The following ALDH1L2 variants were observed in gnomAD, a reference collection of about 807,000 sequenced individuals.
ALDH1L2 encodes the protein aldehyde dehydrogenase 1 family member L2.
A neutral mutation model predicts 111.0 loss-of-function variants in ALDH1L2; 91 were observed. The observed-to-expected ratio is 0.82, with a 90% CI of 0.69 to 0.98. ALDH1L2 has a LOEUF of 0.98. Ranked by LOEUF, ALDH1L2 falls within the 50% of genes least tolerant of loss-of-function variation. The pLI, the probability that ALDH1L2 is intolerant of heterozygous loss-of-function variation, is 0.00. For missense variants in ALDH1L2, 995 were observed against 1,126.8 expected (o/e 0.88, Z 1.67); for synonymous variants, 374 against 392.6 (o/e 0.95, Z 0.56).
intron 12 of ALDH1L2, among the ~76,000 whole-genome samples, chr12:105,051,867 C>T (rs2136076662): frequency 6.6e-6 from 1 of 151,696 alleles, no homozygotes; most frequent in South Asian, 2.1e-4. Context: ...TCACTACACC[C>T]TCCACCTCCT....
At chr12:105,047,050 CCT>C in intron 13 of ALDH1L2, 81 bp from the exon 14 acceptor site, 1 of 1,480,052 alleles carries the variant, frequency 6.8e-7, no homozygotes, top group South Asian at 1.2e-5. Flanking sequence ...TTTCTGTCTT[CCT>C]CTCTTACTTT....
At chr12:105,063,048 G>T (rs772875932) in intron 6 of ALDH1L2, 26 bp from the exon 7 acceptor site, 12 of 1,600,462 alleles carry the variant, frequency 7.5e-6, no homozygotes, top group Non-Finnish European at 1.0e-5. Flanking sequence ...AACACAGATT[G>T]TAAAATCAGG....
intron 17 of ALDH1L2, among the ~76,000 whole-genome samples, chr12:105,038,846 A>G (rs1025646164): frequency 2.8e-4 from 42 of 152,236 alleles, no homozygotes; most frequent in Admixed American, 1.6e-3. Flanking sequence ...TCAAAAGTTA[A>G]TTCAAATTCT....
intron 9 of ALDH1L2, among the ~76,000 whole-genome samples, chr12:105,059,267 AAAT>A (rs56329502): frequency 0.053 from 7,354 of 138,138 alleles, 301 homozygotes; most frequent in African/African-American, 0.11. Flanking sequence ...CTCTGTCTCA[AAAT>A]AATAATAATA....
intron 3 of ALDH1L2, among the ~76,000 whole-genome samples, chr12:105,069,901 A>G (rs762842065): frequency 3.3e-5 from 5 of 152,216 alleles, no homozygotes; most frequent in Non-Finnish European, 7.3e-5. Flanking sequence ...TTCCTTAAGA[A>G]GCTTAGAGTT....
chr12:105,055,652 G>A (rs1233458479), intron 10 of ALDH1L2, among the ~76,000 whole-genome samples: 3 of 151,686 alleles, frequency 2.0e-5, no homozygotes, highest in Non-Finnish European at 4.4e-5. Context: ...TTGTAAATAT[G>A]TTCAATGAAC....
intron 10 of ALDH1L2, among the ~76,000 whole-genome samples, chr12:105,053,947 G>T (rs1876453931): frequency 6.6e-6 from 1 of 151,792 alleles, no homozygotes; most frequent in African/African-American, 2.4e-5. Flanking sequence ...AGAATGTTTT[G>T]CAGGTAATAA....
chr12:105,046,215 ATATATATTTTTTTTTTTTTT>A (rs1875887150), intron 15 of ALDH1L2, among the ~76,000 whole-genome samples: 11 of 37,710 alleles, frequency 2.9e-4, no homozygotes, highest in Admixed American at 2.3e-3. Flanking sequence ...ATATATATAT[ATATATATTTTTTTTTTTTTT>A]TTTTTTTTTT....
At chr12:105,031,710 C>A in intron 20 of ALDH1L2, 59 bp downstream of exon 20, 1 of 1,576,204 alleles carries the variant, frequency 6.3e-7, no homozygotes, top group Non-Finnish European at 8.6e-7. Flanking sequence ...TAAACTGTCG[C>A]TGTCCATTCC....
At chr12:105,063,103 A>G (rs1157757925) in intron 6 of ALDH1L2, 81 bp from the exon 7 acceptor site, 2 of 1,416,850 alleles carry the variant, frequency 1.4e-6, no homozygotes. Flanking sequence ...ATTCTCTGCA[A>G]AAACGCTGAA....
intron 2 of ALDH1L2, 89 bp downstream of exon 2, chr12:105,073,772 T>C: frequency 1.9e-6 from 3 of 1,550,172 alleles, no homozygotes; most frequent in Non-Finnish European, 2.6e-6. Context: ...TAGTAGGGGC[T>C]GAGGCAGCTA....
intron 13 of ALDH1L2, 108 bp downstream of exon 13, chr12:105,049,800 T>C (rs1293325359): frequency 9.3e-6 from 12 of 1,288,834 alleles, no homozygotes; most frequent in African/African-American, 4.5e-5. Flanking sequence ...AACCCTGTTA[T>C]GTTGGTGTAA....
intron 22 of ALDH1L2, 104 bp from the exon 23 acceptor site, chr12:105,024,583 A>C: frequency 8.8e-7 from 1 of 1,139,166 alleles, no homozygotes. Flanking sequence ...TCACTAAGTA[A>C]ATAGAATGTG....
chr12:105,026,360 T>C (rs1220021780), intron 22 of ALDH1L2, among the ~76,000 whole-genome samples, 185 bp downstream of exon 22: 3 of 152,242 alleles, frequency 2.0e-5, no homozygotes, highest in Admixed American at 2.0e-4. Context: ...TGTGTACTTT[T>C]CTGTATGTAT....
chr12:105,072,949 G>C (rs1877821773), intron 2 of ALDH1L2, among the ~76,000 whole-genome samples: 2 of 152,322 alleles, frequency 1.3e-5, no homozygotes, highest in Admixed American at 6.5e-5. Flanking sequence ...ACTCCAGCCT[G>C]GGCAACAGAG....
chr12:105,049,980 C>T lies in ALDH1L2; in HGVS notation c.1614G>A (p.Leu538=). The T allele has an allele frequency of 6.2e-7, 1 of 1,613,138 alleles. No individual in the cohort carries two copies. Among genetic ancestry groups the T allele is most frequent in the Non-Finnish European group, 8.5e-7 (1 of 1,179,514 alleles). ...ACATTCCAATGTGTGTCTTCAGGGCCAAGGTATAGACAGCCCCTGAATCAA... is the reference window on the plus strand; with the variant it reads ...ACATTCCAATGTGTGTCTTCAGGGCTAAGGTATAGACAGCCCCTGAATCAA... The part of the protein sequence containing the change: ...EALDSGAVYT[L]ALKTHIGMSV... The change falls in exon 13 of 23, where the codon TTG becomes TTA. Residue 538 remains leucine (L), a synonymous_variant. Coordinates refer to ENST00000258494, the MANE Select transcript of ALDH1L2 (RefSeq NM_001034173.4).
At chr12:105,064,641 G>A (rs1381567408) in intron 6 of ALDH1L2, among the ~76,000 whole-genome samples, 2 of 152,202 alleles carry the variant, frequency 1.3e-5, no homozygotes, top group African/African-American at 4.8e-5. Flanking sequence ...GATGCCAGAG[G>A]TAGGCAGAGT....
chr12:105,084,299 TCCCCAGCCCCACCG>T, intron 1 of ALDH1L2, 76 bp downstream of exon 1: 1 of 1,400,660 alleles, frequency 7.1e-7, no homozygotes, highest in African/African-American at 1.5e-5. Flanking sequence ...TCGCTGCTCA[TCCCCAGCCCCACCG>T]CCCCGGCCCT....
At chr12:105,045,374 C>G (rs1165181482) in intron 15 of ALDH1L2, among the ~76,000 whole-genome samples, 1 of 152,074 alleles carries the variant, frequency 6.6e-6, no homozygotes, top group Non-Finnish European at 1.5e-5. Flanking sequence ...TGTGAGCCAC[C>G]TTGCCTGGCC....
Sources: allele counts gnomAD v4.1 joint callset (sites outside exome capture counted in the v4.1 genomes callset), GRCh38; gene constraint gnomAD v4.1.1; transcripts MANE v1.5; gene names NCBI Gene and HGNC (gene_info 2026-07-23, HGNC 2026-07-21).